Variants in SLC6A16 observed in about 807,000 individuals in gnomAD.
The protein encoded by SLC6A16 is orphan sodium- and chloride-dependent neurotransmitter transporter NTT5.
Under a neutral mutation model 65.4 loss-of-function variants are expected in SLC6A16, and 54 were observed. The observed-to-expected ratio is 0.83, with a 90% CI of 0.66 to 1.04. The LOEUF is 1.04. Among genes scored for constraint, SLC6A16 ranks in the 50% least tolerant of loss-of-function variants. SLC6A16 has a pLI of 0.00. For synonymous variants in SLC6A16, 330 were observed against 346.5 expected (o/e 0.95, Z 0.53); for missense variants, 816 against 914.0 (o/e 0.89, Z 1.38).
At chr19:49,307,830 C>G (rs1180724394) in intron 7 of SLC6A16, among the ~76,000 whole-genome samples, 2 of 151,772 alleles carry the variant, frequency 1.3e-5, no homozygotes, top group Non-Finnish European at 2.9e-5. Flanking sequence ...CTAGTCCAGA[C>G]AGAATTAATG....
the SLC6A16 span, chr19:49,337,846 C>T: frequency 3.1e-6 from 5 of 1,599,306 alleles, no homozygotes; most frequent in Non-Finnish European, 3.4e-6. Flanking sequence ...GCACAGGGCC[C>T]GCCTGAGGCT....
the SLC6A16 span, chr19:49,332,154 T>G: frequency 2.2e-6 from 1 of 456,626 alleles, no homozygotes; most frequent in African/African-American, 2.0e-5. Flanking sequence ...TTCCATCTCC[T>G]GGTGGCTCCA....
chr19:49,304,978 A>C (rs1300274719), intron 7 of SLC6A16, among the ~76,000 whole-genome samples: 2 of 152,208 alleles, frequency 1.3e-5, no homozygotes, highest in East Asian at 3.9e-4. Flanking sequence ...TCATCTGTGA[A>C]GTTGTAGATA....
At position 49,290,680 on chromosome 19, in the gene SLC6A16, C is replaced by T. The variant is rs1310871585; in HGVS notation, c.1866G>A (p.Leu622=). 6.2e-7 allele frequency: 1 copy of T among 1,613,982 alleles called. No individual in the cohort carries two copies. Among genetic ancestry groups the T allele is most frequent in the Admixed American group, 1.7e-5 (1 of 59,994 alleles). Residue 622 remains leucine, a synonymous_variant, in exon 11 of 12, where the codon CTG becomes CTA. Transcript: ENST00000335875. ...CCATCATGGTCACAAAGATGATTAG[C>T]AGCACAACTGGACACAGATGGGGCC... is the stretch of plus-strand genomic sequence containing the variant. ...WLWPHLCPVV[L]LIIFVTMMVH...
At chr19:49,318,892 T>TTC (rs1970660632) in intron 1 of SLC6A16, among the ~76,000 whole-genome samples, 1 of 149,202 alleles carries the variant, frequency 6.7e-6, no homozygotes, top group African/African-American at 2.5e-5. Context: ...TTTTTTTTTT[T>TTC]AGTAGAGACA....
chr19:49,321,557 G>A (rs866114906), intron 1 of SLC6A16, among the ~76,000 whole-genome samples: 2 of 152,204 alleles, frequency 1.3e-5, no homozygotes, highest in South Asian at 4.1e-4. Flanking sequence ...CTAACATGGT[G>A]AAACCTGATC....
At chr19:49,317,679 GC>G (rs1476468269) in intron 1 of SLC6A16, among the ~76,000 whole-genome samples, 6 of 151,664 alleles carry the variant, frequency 4.0e-5, no homozygotes, top group Non-Finnish European at 1.5e-5. Context: ...GGTGGCGGGC[GC>G]CTGTAGTCCC....
chr19:49,293,957 G>A lies in SLC6A16; in HGVS notation c.1488C>T (p.Phe496=). The change falls in exon 9 of 12, where the codon TTC becomes TTT. Residue 496 remains phenylalanine, a synonymous_variant. Coordinates refer to ENST00000335875, the MANE Select transcript of SLC6A16 (RefSeq NM_014037.3). The stretch of plus-strand genomic sequence containing the variant: ...ACATCAGGAAGAAGATAAAAGACCA[G>A]AAGACAGACGGAGGAAGGAAGGACA... ...EAMSFLPPSV[F]WSFIFFLMLL... 1 of 1,613,928 alleles carries A rather than the reference G, an allele frequency of 6.2e-7. No individual in the cohort carries two copies. The highest frequency in any genetic ancestry group is 8.5e-7 in the Non-Finnish European group (1 of 1,180,028).
intron 7 of SLC6A16, among the ~76,000 whole-genome samples, chr19:49,298,968 C>T (rs528660481): frequency 1.1e-4 from 17 of 152,246 alleles, no homozygotes; most frequent in Non-Finnish European, 1.9e-4. Flanking sequence ...GAAAACCTGC[C>T]GGGTGTGGTG....
the SLC6A16 span, chr19:49,338,316 C>T: frequency 1.3e-6 from 1 of 752,260 alleles, no homozygotes; most frequent in Non-Finnish European, 2.0e-6. The surrounding 1 kb of genome is among the most constrained non-coding windows in gnomAD (Gnocchi z 5.0). Context: ...AAGACCCTAG[C>T]GAGACACGGC....
chr19:49,339,061 G>A, the SLC6A16 span: 5 of 823,704 alleles, frequency 6.1e-6, no homozygotes, highest in East Asian at 1.3e-4. This position sits in a 1 kb window ranked among gnomAD's most constrained non-coding sequence, Gnocchi z 4.5. Flanking sequence ...TACGGCAGGA[G>A]GGGCGGGGCC....
At position 49,310,083 on chromosome 19, in the gene SLC6A16, A is replaced by G; in HGVS notation, c.657T>C (p.Val219=). Residue 219 remains valine, a synonymous_variant, in exon 4 of 12, where the codon GTT becomes GTC. Transcript: ENST00000335875. ...FYMSQSFQFP[V]PWEKCPLTMN... is the part of the protein sequence containing the mutation. The stretch of plus-strand genomic sequence containing the variant: ...TCGTTAAGGGACATTTCTCCCATGG[A>G]ACGGGAAACTGGAAGGACTGGCTCA... The G allele has an allele frequency of 6.2e-7, 1 of 1,614,068 alleles. No individual in the cohort carries two copies. The highest frequency in any genetic ancestry group is 8.5e-7 in the Non-Finnish European group (1 of 1,180,024).
the SLC6A16 span, chr19:49,339,315 C>T: frequency 6.2e-7 from 1 of 1,611,018 alleles, no homozygotes; most frequent in Non-Finnish European, 8.5e-7. The surrounding 1 kb of genome is among the most constrained non-coding windows in gnomAD (Gnocchi z 4.5). Context: ...TTTAACTTTT[C>T]CCTACACCCC....
chr19:49,337,313 C>T, the SLC6A16 span: 1 of 1,205,888 alleles, frequency 8.3e-7, no homozygotes, highest in Non-Finnish European at 1.2e-6. Flanking sequence ...GAAACAAGGG[C>T]AGACAGGGGC....
chr19:49,339,674 T>C, the SLC6A16 span: 2 of 1,425,794 alleles, frequency 1.4e-6, no homozygotes, highest in South Asian at 1.5e-5. This position sits in a 1 kb window ranked among gnomAD's most constrained non-coding sequence, Gnocchi z 4.5. Flanking sequence ...GTCATGGTGC[T>C]GAGCGTACAG....
chr19:49,330,324 C>T, the SLC6A16 span, among the ~76,000 whole-genome samples: 26 of 152,240 alleles, frequency 1.7e-4, no homozygotes, highest in African/African-American at 5.5e-4. Flanking sequence ...ATGAATCTTC[C>T]TGAGTCCGCA....
Position 49,309,062 on chromosome 19 carries a change from G to C in SLC6A16, c.1043C>G (p.Ser348Cys). ...GGAGCCAAGGCCTATGCCTGTGTTA[G>C]ACAAAACTTGACCCCCTGCTAGAGA... ...VWSLAGGQVL[S>C]NTGIGLGSVA... Residue 348 changes from serine (S) to cysteine (C), a missense_variant, in exon 7 of 12, where the codon TCT becomes TGT. By Grantham distance (112) the Ser-to-Cys change is moderately radical. Transcript: ENST00000335875. 6.2e-7 allele frequency: 1 copy of C among 1,614,204 alleles called. No individual in the cohort carries two copies. The highest frequency in any genetic ancestry group is 8.5e-7 in the Non-Finnish European group (1 of 1,180,036).
chr19:49,338,362 C>T, the SLC6A16 span, among the ~76,000 whole-genome samples: 1 of 151,690 alleles, frequency 6.6e-6, no homozygotes, highest in Non-Finnish European at 1.5e-5. This position sits in a 1 kb window ranked among gnomAD's most constrained non-coding sequence, Gnocchi z 5.0. Context: ...TCCACCGGAC[C>T]CCGCCCCCGA....
intron 1 of SLC6A16, among the ~76,000 whole-genome samples, chr19:49,317,699 G>A (rs1177657914): frequency 3.3e-5 from 5 of 151,926 alleles, no homozygotes; most frequent in South Asian, 4.1e-4. Flanking sequence ...CCAGCTACTC[G>A]GGAGGCTGTG....
Sources: allele counts gnomAD v4.1 joint callset (sites outside exome capture counted in the v4.1 genomes callset), GRCh38; gene constraint gnomAD v4.1.1; non-coding constraint Gnocchi (gnomAD v3.1); transcripts MANE v1.5; gene names NCBI Gene and HGNC (gene_info 2026-07-23, HGNC 2026-07-21).